Variants in RBFOX1 observed in about 807,000 individuals in gnomAD.
The protein encoded by RBFOX1 is RNA binding fox-1 homolog 1.
Under a neutral mutation model 57.7 loss-of-function variants are expected in RBFOX1, and 8 were observed. The observed-to-expected ratio is 0.14, with a 90% CI of 0.08 to 0.25. RBFOX1 has a LOEUF of 0.25. RBFOX1 is among the 10% of genes least tolerant of loss of function. RBFOX1 has a pLI of 1.00. For missense variants in RBFOX1, 611 were observed against 548.5 expected (o/e 1.11, Z -1.14); for synonymous variants, 326 against 222.4 (o/e 1.47, Z -4.15).
chr16:5,794,714 C>G (rs577236561), intron 3 of RBFOX1, among the ~76,000 whole-genome samples: 2 of 152,310 alleles, frequency 1.3e-5, no homozygotes, highest in East Asian at 1.9e-4. Context: ...GCTTAAGAAA[C>G]TTACAAATAA....
chr16:6,703,211 T>C (rs958119605), intron 3 of RBFOX1, among the ~76,000 whole-genome samples: 1 of 152,226 alleles, frequency 6.6e-6, no homozygotes, highest in Non-Finnish European at 1.5e-5. Flanking sequence ...TGTTGGCTAC[T>C]GTAAATAATG....
intron 3 of RBFOX1, among the ~76,000 whole-genome samples, chr16:6,820,207 C>T (rs1001868157): frequency 2.8e-4 from 43 of 152,270 alleles, no homozygotes; most frequent in African/African-American, 9.4e-4. Context: ...ATTGTGAGGC[C>T]TCCCCAGCCA....
intron 4 of RBFOX1, among the ~76,000 whole-genome samples, chr16:7,464,413 G>A (rs926436997): frequency 1.3e-5 from 2 of 151,818 alleles, no homozygotes; most frequent in African/African-American, 4.8e-5. Context: ...ACAAGACATC[G>A]GCCACTGGAG....
At chr16:7,710,061 A>C in intron 15 of RBFOX1, 1 of 1,001,334 alleles carries the variant, frequency 1.0e-6, no homozygotes, top group Non-Finnish European at 1.2e-6. Flanking sequence ...CAGTCATAGA[A>C]ATTCAGCCAT....
intron 1 of RBFOX1, among the ~76,000 whole-genome samples, chr16:6,066,475 T>A (rs2095764609): frequency 6.6e-6 from 1 of 152,088 alleles, no homozygotes; most frequent in African/African-American, 2.4e-5. Context: ...CTAAGTTAGA[T>A]GCAGCTGAGA....
At chr16:6,928,859 C>T (rs1388561494) in intron 3 of RBFOX1, among the ~76,000 whole-genome samples, 2 of 152,104 alleles carry the variant, frequency 1.3e-5, no homozygotes, top group South Asian at 2.1e-4. Context: ...AAACCACCAC[C>T]ACCACCATCA....
chr16:6,757,900 C>A (rs1233207770), intron 3 of RBFOX1, among the ~76,000 whole-genome samples: 1 of 152,098 alleles, frequency 6.6e-6, no homozygotes, highest in Non-Finnish European at 1.5e-5. Context: ...GTCACATGTA[C>A]CCTGTAAATA....
At chr16:5,602,078 A>T (rs1190354619), downstream of RBFOX1, among the ~76,000 whole-genome samples, 1 of 152,084 alleles carries the variant, frequency 6.6e-6, no homozygotes, top group Admixed American at 6.5e-5. Flanking sequence ...CCACCCTCTG[A>T]CTGTAGCAGG....
At chr16:6,118,242 C>A (rs1243649880) in intron 1 of RBFOX1, among the ~76,000 whole-genome samples, 1 of 152,166 alleles carries the variant, frequency 6.6e-6, no homozygotes, top group South Asian at 2.1e-4. Context: ...CTTCCAGGAT[C>A]CAATCCATTA....
intron 15 of RBFOX1, chr16:7,710,008 C>G: frequency 9.9e-7 from 1 of 1,009,268 alleles, no homozygotes; most frequent in Non-Finnish European, 1.2e-6. Flanking sequence ...TTAAGTGCCA[C>G]CTTGTAGCCA....
chr16:7,153,955 G>C (rs560738494), intron 4 of RBFOX1, among the ~76,000 whole-genome samples: 28 of 152,200 alleles, frequency 1.8e-4, no homozygotes, highest in African/African-American at 6.3e-4. Context: ...CGAGAATGGA[G>C]ATAAAGAGAA....
intron 3 of RBFOX1, among the ~76,000 whole-genome samples, chr16:5,744,639 A>G (rs564363904): frequency 4.5e-4 from 68 of 152,278 alleles, no homozygotes; most frequent in African/African-American, 1.5e-3. Flanking sequence ...GTTGTTAAAT[A>G]TTTACCATCT....
At chr16:6,747,334 G>T (rs777864324) in intron 3 of RBFOX1, among the ~76,000 whole-genome samples, 12 of 152,042 alleles carry the variant, frequency 7.9e-5, no homozygotes, top group Non-Finnish European at 1.5e-4. Flanking sequence ...TTGAACCTAG[G>T]AGGTAGAGAT....
intron 4 of RBFOX1, among the ~76,000 whole-genome samples, chr16:7,283,563 A>T (rs1383958032): frequency 6.6e-6 from 1 of 152,066 alleles, no homozygotes; most frequent in African/African-American, 2.4e-5. Context: ...CACCCTTGAC[A>T]TTCTGTATCT....
At chr16:6,316,774 A>G (rs1184053329) in intron 1 of RBFOX1, among the ~76,000 whole-genome samples, 1 of 152,200 alleles carries the variant, frequency 6.6e-6, no homozygotes, top group Admixed American at 6.5e-5. Context: ...AATAGAGAAG[A>G]TAATAACACC....
intron 4 of RBFOX1, among the ~76,000 whole-genome samples, chr16:5,891,089 G>T (rs562589081): frequency 1.4e-4 from 22 of 152,170 alleles, no homozygotes; most frequent in Non-Finnish European, 1.3e-4. Flanking sequence ...CTTGTCAACC[G>T]TAACTGTTAG....
intron 4 of RBFOX1, 94 bp from the exon 5 acceptor site, chr16:7,518,053 C>T (rs1164477223): frequency 2.7e-5 from 40 of 1,464,904 alleles, no homozygotes; most frequent in Non-Finnish European, 3.6e-5. Context: ...AGAAAGTACG[C>T]GGGGCACGAT....
At chr16:7,448,828 G>C (rs538369537) in intron 4 of RBFOX1, among the ~76,000 whole-genome samples, 4 of 151,956 alleles carry the variant, frequency 2.6e-5, no homozygotes, top group Admixed American at 6.5e-5. Flanking sequence ...ATTGGATTTA[G>C]GGCCCACTTT....
intron 4 of RBFOX1, among the ~76,000 whole-genome samples, chr16:7,236,199 C>G (rs1409719013): frequency 1.3e-5 from 2 of 152,030 alleles, no homozygotes; most frequent in African/African-American, 4.8e-5. Context: ...ATATAAAAAT[C>G]AAAGTAAATA....
Sources: gnomAD v4.1 joint callset for allele counts (sites outside exome capture counted in the v4.1 genomes callset) on GRCh38, gnomAD v4.1.1 for gene constraint, MANE v1.5 for transcripts, NCBI Gene and HGNC (gene_info 2026-07-23, HGNC 2026-07-21) for gene names.